The following PHIP variants were observed in gnomAD, a reference collection of about 807,000 sequenced individuals.
PHIP encodes the protein PHIP subunit of CUL4-Ring ligase complex, also known as PH-interacting protein.
In PHIP, 54 loss-of-function variants were observed where a neutral mutation model predicts 236.8. The ratio of observed to expected loss-of-function variants is 0.23; its 90% CI spans 0.18 to 0.29. The LOEUF (loss-of-function observed/expected upper bound fraction) is 0.29. Among genes scored for constraint, PHIP ranks in the 10% least tolerant of loss-of-function variants. The probability of loss-of-function intolerance (pLI) is 1.00; values close to 1 mark genes in which losing one functional copy is unlikely to be tolerated. For missense variants in PHIP, 1,370 were observed against 2,190.8 expected (o/e 0.63, Z 7.48); for synonymous variants, 756 against 718.9 (o/e 1.05, Z -0.83).
intron 31 of PHIP, among the ~76,000 whole-genome samples, chr6:78,960,664 A>G (rs1766713566): frequency 6.6e-6 from 1 of 152,058 alleles, no homozygotes; most frequent in Non-Finnish European, 1.5e-5. Context: ...AGTTTTCTTT[A>G]TTCCAGTGGT....
In PHIP at chr6:79,007,779, T is replaced by G. The variant is rs567227035; in HGVS notation, c.1525-3921A>C. ...AATACCCTAAAATAATCTTATGAAA[T>G]GGACTCATATACCAAGAATGAAAAG... On this transcript the variant is annotated intron_variant, in intron 15 of 39. Transcript: ENST00000275034. 1.1e-3 allele frequency among the ~76,000 whole-genome samples: 160 copies of G among 151,432 alleles called. 1 individual carries two copies. Among genetic ancestry groups the G allele is most frequent in the Non-Finnish European group, 1.0e-4 (7 of 67,900 alleles).
intron 19 of PHIP, 137 bp downstream of exon 19, chr6:78,997,277 A>T: frequency 7.4e-6 from 4 of 544,082 alleles, no homozygotes; most frequent in East Asian, 6.0e-5. Context: ...ATTTTTCTAC[A>T]GTCATGAATA....
At chr6:78,989,789 CTCA>C (rs1355700155) in intron 20 of PHIP, among the ~76,000 whole-genome samples, 1 of 152,056 alleles carries the variant, frequency 6.6e-6, no homozygotes, top group Non-Finnish European at 1.5e-5. Flanking sequence ...AATACAAACT[CTCA>C]TCATCATTAT....
chr6:79,034,874 T>C (rs1318924141), intron 7 of PHIP, among the ~76,000 whole-genome samples: 2 of 152,190 alleles, frequency 1.3e-5, no homozygotes, highest in South Asian at 2.1e-4. Context: ...ACGACTAACA[T>C]TGATTAACAC....
At chr6:78,945,608 C>G in intron 38 of PHIP, 111 bp from the exon 39 acceptor site, 1 of 702,648 alleles carries the variant, frequency 1.4e-6, no homozygotes, top group Non-Finnish European at 2.4e-6. Flanking sequence ...CTGAAGGATG[C>G]TTAAAGCTTT....
At chr6:79,056,568 C>T (rs1274500150) in intron 6 of PHIP, among the ~76,000 whole-genome samples, 2 of 152,060 alleles carry the variant, frequency 1.3e-5, no homozygotes, top group Non-Finnish European at 2.9e-5. Context: ...TGTCTGGAGA[C>T]TTTTTAAATT....
chr6:79,019,689 G>C (rs921360237), intron 9 of PHIP, among the ~76,000 whole-genome samples: 1 of 152,018 alleles, frequency 6.6e-6, no homozygotes. Context: ...ATTTAACCTA[G>C]TGAAAATCTG....
rs1193309248 is a variant in PHIP, at chr6:78,992,589, CT to C, written c.2202-1605del. Among the ~76,000 whole-genome samples, 7 of 151,938 alleles carry C rather than the reference CT, an allele frequency of 4.6e-5. No individual in the cohort carries two copies. In the East Asian group the frequency reaches 1.4e-3, roughly 29 times the overall value. On this transcript the variant is annotated intron_variant, in intron 19 of 39. Coordinates refer to ENST00000275034, the MANE Select transcript of PHIP (RefSeq NM_017934.7). ...GTCTCTGTGTCACATTTTGGTAATTCTTAAAATATTTCTGGCTTTTTCACTA... is the reference window on the plus strand; with the variant it reads ...GTCTCTGTGTCACATTTTGGTAATTCTAAAATATTTCTGGCTTTTTCACTA...
At chr6:79,012,416 A>T (rs753118246) in intron 15 of PHIP, among the ~76,000 whole-genome samples, 12 of 151,740 alleles carry the variant, frequency 7.9e-5, no homozygotes, top group Non-Finnish European at 1.5e-4. Context: ...ATATTATTTA[A>T]TCTTAAAAAT....
intron 16 of PHIP, among the ~76,000 whole-genome samples, chr6:79,003,383 T>C (rs575201134): frequency 2.0e-5 from 3 of 152,062 alleles, no homozygotes; most frequent in Non-Finnish European, 4.4e-5. Context: ...TTATCTATAT[T>C]AAAAAAACAT....
In PHIP at chr6:79,058,186, G is replaced by A. The variant is rs147485388; in HGVS notation, c.439+2292C>T. Among the ~76,000 whole-genome samples, 10 of 152,154 alleles carry A rather than the reference G, an allele frequency of 6.6e-5. No homozygotes were observed. The East Asian group carries it at 1.9e-3, about 29-fold the overall frequency. On this transcript the variant is annotated intron_variant, in intron 6 of 39. Transcript: ENST00000275034. ...TTTCAGAAAGGTACATCAATCACCTGCTTGGCAATTAATTCTGTTACCTAA... is the reference window on the plus strand; with the variant it reads ...TTTCAGAAAGGTACATCAATCACCTACTTGGCAATTAATTCTGTTACCTAA...
At chr6:79,028,626 C>T (rs1582248594) in intron 7 of PHIP, among the ~76,000 whole-genome samples, 1 of 152,168 alleles carries the variant, frequency 6.6e-6, no homozygotes, top group Admixed American at 6.5e-5. Flanking sequence ...CTCTACATTT[C>T]ACAAATTGAA....
In PHIP at chr6:78,997,447, AC is replaced by A; in HGVS notation, c.2167del (p.Val723TrpfsTer2). The stretch of plus-strand genomic sequence containing the variant: ...ACCAGCTGATAGCTCGGGTACTACC[AC>A]CCTTCGACTCCAAGCTACCAGATCC... The part of the protein sequence containing the change: ...ERDLVAWSRR[V>X]VVPELSAGVA... On this transcript the variant is annotated frameshift_variant, in exon 19 of 40. Coordinates refer to ENST00000275034, the MANE Select transcript of PHIP (RefSeq NM_017934.7). LOFTEE classifies it high-confidence loss of function. The A allele has an allele frequency of 6.2e-7, 1 of 1,613,100 alleles. No individual in the cohort carries two copies. The highest frequency in any genetic ancestry group is 8.5e-7 in the Non-Finnish European group (1 of 1,179,618).
intron 7 of PHIP, among the ~76,000 whole-genome samples, chr6:79,036,332 C>T (rs927998224): frequency 2.6e-5 from 4 of 152,182 alleles, no homozygotes; most frequent in African/African-American, 7.2e-5. Flanking sequence ...CTCGTATCTT[C>T]AAATTTGCTA....
Position 78,959,194 on chromosome 6 carries a change from G to T in PHIP, c.3657-594C>A, listed in dbSNP as rs199522525. 1.1e-4 allele frequency among the ~76,000 whole-genome samples: 17 copies of T among 152,112 alleles called. No individual in the cohort carries two copies. In the East Asian group the frequency reaches 3.3e-3, roughly 29 times the overall value. On this transcript the variant is annotated intron_variant, in intron 31 of 39. Coordinates refer to ENST00000275034, the MANE Select transcript of PHIP (RefSeq NM_017934.7). ...TCTGGAGTTTTACAATTTTATTTCT[G>T]AAAGTAAATAAAAATCCAAGGACAA...
chr6:78,972,640 G>C (rs960718331), intron 24 of PHIP, among the ~76,000 whole-genome samples: 1 of 152,144 alleles, frequency 6.6e-6, no homozygotes, highest in Non-Finnish European at 1.5e-5. Flanking sequence ...AAAAAATTTA[G>C]AAGAATGTGT....
chr6:79,004,342 T>A, intron 15 of PHIP: 1 of 907,008 alleles, frequency 1.1e-6, no homozygotes, highest in Non-Finnish European at 1.3e-6. Context: ...AAATGGTGAA[T>A]TTCAAAGGTT....
In PHIP at chr6:79,015,213, G is replaced by T; in HGVS notation, c.1393C>A (p.His465Asn). Reference sequence around the variant, plus strand: ...TCAAGAACAAATACCTCATCTTCATGACCCTGAAATATTTTTGAAGTGTCA... The same window carrying T: ...TCAAGAACAAATACCTCATCTTCATTACCCTGAAATATTTTTGAAGTGTCA... ...TGQLIHVLMGHEDEVFVLEPH... is the reference protein window; with the variant it reads ...TGQLIHVLMGNEDEVFVLEPH... Residue 465 changes from histidine (H) to asparagine (N), a missense_variant, in exon 15 of 40, where the codon CAT becomes AAT. His to Asn is a moderately conservative substitution (Grantham distance 68). Transcript: ENST00000275034. The T allele has an allele frequency of 6.2e-7, 1 of 1,605,972 alleles. No individual in the cohort carries two copies. The highest frequency in any genetic ancestry group is 8.5e-7 in the Non-Finnish European group (1 of 1,173,570).
chr6:79,017,445 T>C (rs1344667688), intron 11 of PHIP, 38 bp downstream of exon 11: 4 of 1,574,046 alleles, frequency 2.5e-6, no homozygotes, highest in East Asian at 4.5e-5. Context: ...TGGACTCACA[T>C]AAATTATACT....
Sources: gnomAD v4.1 joint callset for allele counts (sites outside exome capture counted in the v4.1 genomes callset) on GRCh38, gnomAD v4.1.1 for gene constraint, MANE v1.5 for transcripts, NCBI Gene and HGNC (gene_info 2026-07-23, HGNC 2026-07-21) for gene names.